NLN: variants seen among roughly 807,000 people sequenced by gnomAD.
NLN encodes the protein neurolysin, mitochondrial.
Under a neutral mutation model 79.9 loss-of-function variants are expected in NLN, and 64 were observed. That is an observed-to-expected ratio of 0.80 (90% CI 0.65 to 0.99). NLN has a LOEUF of 0.99. NLN is among the 50% of genes least tolerant of loss of function. The pLI, the probability that NLN is intolerant of heterozygous loss-of-function variation, is 0.00. For synonymous variants in NLN, 267 were observed against 296.6 expected (o/e 0.90, Z 1.02); for missense variants, 835 against 858.7 (o/e 0.97, Z 0.34).
At chr5:65,781,935 C>A (rs879309250) in intron 6 of NLN, among the ~76,000 whole-genome samples, 3 of 152,130 alleles carry the variant, frequency 2.0e-5, no homozygotes, top group Non-Finnish European at 4.4e-5. Flanking sequence ...ATCCAGCAAA[C>A]TATAAAAGGA....
Position 65,824,598 on chromosome 5 carries a change from A to G in NLN, c.*1683A>G, listed in dbSNP as rs1192530467. The G allele has an allele frequency of 6.6e-6, 1 of 152,226 alleles. No individual in the cohort carries two copies. The highest frequency in any genetic ancestry group is 1.5e-5 in the Non-Finnish European group (1 of 68,048). The allele number at this position is 152,226 out of a possible 1,614,324, so 9.4% of individuals were successfully genotyped here. ...TTTTCCAGTGTGTCTCCTTAACAGT[A>G]ACTTTACCACTTGAAATCTTATTTC... On this transcript the variant is annotated 3_prime_UTR_variant, in exon 13 of 13. Coordinates refer to ENST00000380985, the MANE Select transcript of NLN (RefSeq NM_020726.5).
intron 9 of NLN, among the ~76,000 whole-genome samples, chr5:65,803,619 C>A (rs1322287642): frequency 6.6e-6 from 1 of 151,720 alleles, no homozygotes; most frequent in Non-Finnish European, 1.5e-5. Flanking sequence ...CTTCTTCCAG[C>A]CCCTAAGAGT....
chr5:65,828,488 T>C lies in NLN; in HGVS notation c.*5573T>C, dbSNP rs1483858854. On this transcript the variant is annotated 3_prime_UTR_variant, in exon 13 of 13. Coordinates refer to ENST00000380985, the MANE Select transcript of NLN (RefSeq NM_020726.5). ...GGAGATAATTCAGAAATACAGATGA[T>C]AATTGTTTTCAAATTCTTGAAGGAA... The C allele has an allele frequency of 6.6e-6, 1 of 152,230 alleles. No homozygotes were observed. The highest frequency in any genetic ancestry group is 2.4e-5 in the African/African-American group (1 of 41,464). The allele number at this position is 152,230 out of a possible 1,614,324, so 9.4% of individuals were successfully genotyped here.
rs545799008 is a variant in NLN, at chr5:65,765,173, G to A, written c.450+2065G>A. Among the ~76,000 whole-genome samples, 8 of 151,636 alleles carry A rather than the reference G, an allele frequency of 5.3e-5. No individual in the cohort carries two copies. The South Asian group carries it at 1.3e-3, about 24-fold the overall frequency. ...TGAGGCAGGCAGATCACTTGAGCTC[G>A]GGAGTTCAAGACCAGCTTGGGCAAT... On this transcript the variant is annotated intron_variant, in intron 3 of 12. Transcript: ENST00000380985.
intron 3 of NLN, 54 bp downstream of exon 3, chr5:65,763,162 A>G: frequency 1.4e-6 from 2 of 1,477,844 alleles, no homozygotes; most frequent in Non-Finnish European, 1.9e-6. Context: ...AACAAAAAAG[A>G]ACATTCAGTC....
At position 65,812,322 on chromosome 5, in the gene NLN, TTGGAG is replaced by T. The variant is rs1295707348; in HGVS notation, c.1914_1918del (p.Trp638Ter). ...ACGATGGCCAATATTATGGATATCT[TTGGAG>T]TGAAGTATTTTCCATGGATATGTTT... On this transcript the variant is annotated frameshift_variant, in exon 12 of 13. Transcript: ENST00000380985. LOFTEE classifies it high-confidence loss of function. 1 of 1,596,870 alleles carries T rather than the reference TTGGAG, an allele frequency of 6.3e-7. No homozygotes were observed. Among genetic ancestry groups the T allele is most frequent in the Non-Finnish European group, 8.6e-7 (1 of 1,164,476 alleles).
At chr5:65,766,072 A>T (rs1161724453) in intron 3 of NLN, among the ~76,000 whole-genome samples, 1 of 152,182 alleles carries the variant, frequency 6.6e-6, no homozygotes. Context: ...GTTTCTATGG[A>T]TCAAGAATTC....
intron 12 of NLN, chr5:65,818,703 C>T (rs1760727388): frequency 1.3e-5 from 2 of 152,244 alleles, no homozygotes; most frequent in South Asian, 4.1e-4. Flanking sequence ...GTTTCAAAGT[C>T]CAGCTTTAGA....
At chr5:65,813,145 A>G (rs1760591166) in intron 12 of NLN, among the ~76,000 whole-genome samples, 2 of 152,188 alleles carry the variant, frequency 1.3e-5, no homozygotes, top group African/African-American at 2.4e-5. Flanking sequence ...TCTAGATTGC[A>G]TAGTACCTTA....
chr5:65,812,334 A>G lies in NLN; in HGVS notation c.1923A>G (p.Val641=), dbSNP rs772847214. The change falls in exon 12 of 13, where the codon GTA becomes GTG. Residue 641 remains valine, a synonymous_variant. Coordinates refer to ENST00000380985, the MANE Select transcript of NLN (RefSeq NM_020726.5). ...GQYYGYLWSE[V]FSMDMFYSCF... ...ATTATGGATATCTTTGGAGTGAAGTATTTTCCATGGATATGTTTTACAGCT... is the reference window on the plus strand; with the variant it reads ...ATTATGGATATCTTTGGAGTGAAGTGTTTTCCATGGATATGTTTTACAGCT... The G allele has an allele frequency of 3.8e-6, 6 of 1,581,446 alleles. No homozygotes were observed. The highest frequency in any genetic ancestry group is 3.3e-5 in the Admixed American group (2 of 59,944).
chr5:65,738,988 T>TA (rs1554028926), intron 1 of NLN, among the ~76,000 whole-genome samples: 9 of 118,448 alleles, frequency 7.6e-5, no homozygotes, highest in South Asian at 2.4e-4. Flanking sequence ...TATTATATAT[T>TA]TATATATATT....
chr5:65,781,493 G>A, intron 6 of NLN, 72 bp downstream of exon 6: 3 of 1,120,144 alleles, frequency 2.7e-6, no homozygotes, highest in Non-Finnish European at 2.7e-6. Flanking sequence ...TTGTTCACCA[G>A]TGTCAAAGTC....
chr5:65,783,130 T>A (rs1276162537), intron 6 of NLN, among the ~76,000 whole-genome samples: 2 of 152,120 alleles, frequency 1.3e-5, no homozygotes, highest in African/African-American at 4.8e-5. Flanking sequence ...AGATTAGAGG[T>A]TACCAGGGAA....
chr5:65,728,709 A>G (rs1182637532), intron 1 of NLN, among the ~76,000 whole-genome samples: 1 of 152,146 alleles, frequency 6.6e-6, no homozygotes, highest in Non-Finnish European at 1.5e-5. Context: ...AGGTTTATTC[A>G]GTGAGTATAA....
chr5:65,819,605 G>T (rs569824374), intron 12 of NLN, among the ~76,000 whole-genome samples: 89 of 152,204 alleles, frequency 5.8e-4, no homozygotes, highest in Non-Finnish European at 9.8e-4. Context: ...CCATAGGAAA[G>T]CTCTAGTTTT....
At chr5:65,731,878 G>A (rs1008577631) in intron 1 of NLN, among the ~76,000 whole-genome samples, 1 of 147,620 alleles carries the variant, frequency 6.8e-6, no homozygotes, top group African/African-American at 2.5e-5. Context: ...AGCCTTCCAA[G>A]TAGTTGGGAC....
In NLN at chr5:65,810,076, A is replaced by T; in HGVS notation, c.1754A>T (p.Asp585Val). The T allele has an allele frequency of 6.2e-7, 1 of 1,614,088 alleles. No individual in the cohort carries two copies. Among genetic ancestry groups the T allele is most frequent in the Non-Finnish European group, 8.5e-7 (1 of 1,179,950 alleles). Residue 585 changes from aspartate to valine, a missense_variant, in exon 11 of 13, where the codon GAT (aspartate) becomes GTT (valine). Physicochemically the swap from Asp to Val is radical, Grantham distance 152. Transcript: ENST00000380985. ...CGCCAGATTGTTTTGAGCAAAGTTG[A>T]TCAGTCTCTTCATACCAACACATCG... ...TLRQIVLSKV[D>V]QSLHTNTSLD...
At chr5:65,797,002 T>G (rs894181474) in intron 9 of NLN, among the ~76,000 whole-genome samples, 2 of 152,258 alleles carry the variant, frequency 1.3e-5, no homozygotes, top group African/African-American at 4.8e-5. Flanking sequence ...AACATGTAGA[T>G]GCACTAGTTC....
At chr5:65,817,437 T>G (rs188396659) in intron 12 of NLN, among the ~76,000 whole-genome samples, 1 of 152,334 alleles carries the variant, frequency 6.6e-6, no homozygotes, top group Admixed American at 6.5e-5. Context: ...CAAATGTGAA[T>G]TCAGAATCCA....
Sources: allele counts gnomAD v4.1 joint callset (sites outside exome capture counted in the v4.1 genomes callset), GRCh38; gene constraint gnomAD v4.1.1; transcripts MANE v1.5; gene names NCBI Gene and HGNC (gene_info 2026-07-23, HGNC 2026-07-21).